The following ATP6V1A variants were observed in gnomAD, a reference collection of about 807,000 sequenced individuals.
The protein encoded by ATP6V1A is V-type proton ATPase catalytic subunit A.
In ATP6V1A, 18 loss-of-function variants were observed where a neutral mutation model predicts 70.1. That is an observed-to-expected ratio of 0.26 (90% confidence interval 0.18 to 0.38). The LOEUF (loss-of-function observed/expected upper bound fraction) is 0.38, where lower values mean the gene tolerates loss of function less well. Among genes scored for constraint, ATP6V1A ranks in the 10% least tolerant of loss-of-function variants. ATP6V1A has a pLI of 1.00. For synonymous variants in ATP6V1A, 232 were observed against 253.8 expected, an observed-to-expected ratio of 0.91 and a Z score of 0.82; for missense variants, 424 against 772.4, an observed-to-expected ratio of 0.55 and a Z score of 5.35.
intron 3 of ATP6V1A, among the ~76,000 whole-genome samples, chr3:113,783,899 T>TTATGGATA (rs1378495992): frequency 3.3e-5 from 5 of 152,200 alleles, no homozygotes; most frequent in African/African-American, 1.2e-4. Flanking sequence ...TTCATGAGAA[T>TTATGGATA]TATGGATATT....
chr3:113,791,163 A>T (rs1709087954), intron 8 of ATP6V1A, among the ~76,000 whole-genome samples: 1 of 152,086 alleles, frequency 6.6e-6, no homozygotes, highest in Non-Finnish European at 1.5e-5. Context: ...AAATATACCA[A>T]CTAGACATGT....
chr3:113,758,871 A>G (rs1176197436), intron 1 of ATP6V1A, among the ~76,000 whole-genome samples: 1 of 152,224 alleles, frequency 6.6e-6, no homozygotes, highest in Non-Finnish European at 1.5e-5. Flanking sequence ...CCATTCTGAT[A>G]GCTGTGGAAT....
chr3:113,747,071 G>C lies in ATP6V1A; in HGVS notation c.-56G>C, dbSNP rs1016420206. Reference sequence around the variant, plus strand: ...CTTCCCCTCCGTGGTGACAGCCTCTGGGTCCTCGGTCGGTACAGTCTCTGC... The same window carrying C: ...CTTCCCCTCCGTGGTGACAGCCTCTCGGTCCTCGGTCGGTACAGTCTCTGC... On this transcript the variant is annotated 5_prime_UTR_variant, in exon 1 of 15. Coordinates refer to ENST00000273398, the MANE Select transcript of ATP6V1A (RefSeq NM_001690.4). 2.3e-5 allele frequency: 3 copies of C among 130,258 alleles called. No individual in the cohort carries two copies. Among genetic ancestry groups the C allele is most frequent in the African/African-American group, 8.8e-5 (3 of 34,134 alleles). 8.1% of individuals were successfully genotyped at this position (130,258 alleles called of 1,614,324 possible).
At chr3:113,803,051 G>GTA (rs576192066) in intron 12 of ATP6V1A, among the ~76,000 whole-genome samples, 1,673 of 151,062 alleles carry the variant, frequency 0.011, 23 homozygotes, top group African/African-American at 0.037. Flanking sequence ...ACAAAATGTG[G>GTA]TATATATATA....
intron 2 of ATP6V1A, among the ~76,000 whole-genome samples, chr3:113,779,812 T>G (rs1014939761): frequency 6.6e-6 from 1 of 152,214 alleles, no homozygotes; most frequent in African/African-American, 2.4e-5. Flanking sequence ...TCTGTGAAAC[T>G]GTGTAGTAAA....
At chr3:113,783,991 T>A (rs1039320131) in intron 3 of ATP6V1A, among the ~76,000 whole-genome samples, 1 of 152,254 alleles carries the variant, frequency 6.6e-6, no homozygotes, top group Non-Finnish European at 1.5e-5. Context: ...AGGACGTATA[T>A]ACATATTAGG....
chr3:113,753,710 T>TC (rs397877009), intron 1 of ATP6V1A, among the ~76,000 whole-genome samples: 17 of 151,438 alleles, frequency 1.1e-4, no homozygotes, highest in Middle Eastern at 3.4e-3. Flanking sequence ...TTTTTTTTTT[T>TC]CCTGAGACAG....
Position 113,808,287 on chromosome 3 carries a change from CTTTTTTTTT to C in ATP6V1A, c.1762-1035_1762-1027del, listed in dbSNP as rs748064694. On this transcript the variant is annotated intron_variant, in intron 14 of 14. Coordinates refer to ENST00000273398, the MANE Select transcript of ATP6V1A (RefSeq NM_001690.4). ...ACCTGGAACATTTTAAAGTCTGTCT[CTTTTTTTTT>C]TTTTTTTTTTTTCTGAGACAGAGTG... Among the ~76,000 whole-genome samples the C allele has an allele frequency of 1.2e-4, 11 of 89,814 alleles. 1 individual carries two copies. Among genetic ancestry groups the C allele is most frequent in the African/African-American group, 2.7e-4 (6 of 22,320 alleles). The allele number at this position is 89,814 out of a possible 152,430, so 58.9% of individuals were successfully genotyped here.
chr3:113,793,612 C>A (rs1709121781), intron 8 of ATP6V1A, among the ~76,000 whole-genome samples: 1 of 152,116 alleles, frequency 6.6e-6, no homozygotes, highest in South Asian at 2.1e-4. Context: ...AAGAAAGAAT[C>A]TGTTCTTATT....
chr3:113,750,072 T>G (rs904090157), intron 1 of ATP6V1A, among the ~76,000 whole-genome samples: 6 of 152,196 alleles, frequency 3.9e-5, no homozygotes, highest in African/African-American at 1.4e-4. Flanking sequence ...AGACTAAAAG[T>G]CAGAGGATCT....
At chr3:113,801,391 G>A (rs114162870) in intron 12 of ATP6V1A, among the ~76,000 whole-genome samples, 2,113 of 152,244 alleles carry the variant, frequency 0.014, 45 homozygotes, top group African/African-American at 0.048. Flanking sequence ...GTGGAGAATT[G>A]CTCAAACAAC....
At position 113,811,896 on chromosome 3, in the gene ATP6V1A, A is replaced by G. The variant is rs879547606; in HGVS notation, c.*2469A>G. 1 of 152,592 alleles carries G rather than the reference A, an allele frequency of 6.6e-6. No homozygotes were observed. Among genetic ancestry groups the G allele is most frequent in the Admixed American group, 6.6e-5 (1 of 15,262 alleles). 9.5% of individuals were successfully genotyped at this position (152,592 alleles called of 1,614,324 possible). A position where few individuals can be genotyped will look rare whatever the true frequency, so the allele number is the denominator to read the frequency against. ...TTCATATGTATTTTTCCAGTGTTGA[A>G]TCTCACACACTGTACTTTGAAAATT... is the stretch of plus-strand genomic sequence containing the variant. On this transcript the variant is annotated 3_prime_UTR_variant, in exon 15 of 15. Transcript: ENST00000273398.
At chr3:113,806,233 CAGTG>C (rs1319927974) in intron 14 of ATP6V1A, among the ~76,000 whole-genome samples, 1 of 152,102 alleles carries the variant, frequency 6.6e-6, no homozygotes, top group African/African-American at 2.4e-5. Flanking sequence ...CTGGGCAACA[CAGTG>C]AGACCCAGTC....
chr3:113,763,232 C>T (rs1708726753), intron 1 of ATP6V1A, among the ~76,000 whole-genome samples: 1 of 152,148 alleles, frequency 6.6e-6, no homozygotes, highest in Non-Finnish European at 1.5e-5. Flanking sequence ...GGACTACAGG[C>T]ACCTGCCATC....
chr3:113,795,274 C>T, intron 10 of ATP6V1A, 70 bp downstream of exon 10: 1 of 1,490,588 alleles, frequency 6.7e-7, no homozygotes, highest in Non-Finnish European at 9.1e-7. Context: ...GAAAAAAAGT[C>T]ACTTATTTTA....
At chr3:113,801,136 C>G (rs1709207096) in intron 12 of ATP6V1A, 1 of 151,928 alleles carries the variant, frequency 6.6e-6, no homozygotes, top group Non-Finnish European at 1.5e-5. Flanking sequence ...TCCTGGGTGA[C>G]AGAGTGAGAC....
At chr3:113,795,848 G>T in intron 10 of ATP6V1A, 28 bp from the exon 11 acceptor site, 4 of 1,567,590 alleles carry the variant, frequency 2.6e-6, no homozygotes, top group African/African-American at 2.7e-5. Context: ...CATTTTTTTT[G>T]TAATGACCAT....
intron 5 of ATP6V1A, among the ~76,000 whole-genome samples, chr3:113,785,688 G>A (rs1038720774): frequency 7.0e-6 from 1 of 143,798 alleles, no homozygotes; most frequent in African/African-American, 2.6e-5. Context: ...TTTTTTTTTT[G>A]AGATGGACTC....
At chr3:113,763,122 G>A (rs923725916) in intron 1 of ATP6V1A, among the ~76,000 whole-genome samples, 3 of 151,292 alleles carry the variant, frequency 2.0e-5, no homozygotes, top group Admixed American at 1.3e-4. Context: ...GCAGAGTCTC[G>A]CTCTGTCACC....
Sources: gnomAD v4.1 joint callset for allele counts (sites outside exome capture counted in the v4.1 genomes callset) on GRCh38, gnomAD v4.1.1 for gene constraint, MANE v1.5 for transcripts, NCBI Gene and HGNC (gene_info 2026-07-23, HGNC 2026-07-21) for gene names.